STX12: variants seen among roughly 807,000 people sequenced by gnomAD.
The protein encoded by STX12 is syntaxin 12, also known as syntaxin-12.
A neutral mutation model predicts 42.2 loss-of-function variants in STX12; 17 were observed. That is an observed-to-expected ratio of 0.40 (90% CI 0.28 to 0.60). The LOEUF is 0.60. STX12 is among the 20% of genes least tolerant of loss of function. The pLI is 0.39. For synonymous variants in STX12, 108 were observed against 116.7 expected, an observed-to-expected ratio of 0.93 and a Z score of 0.48; for missense variants, 297 against 330.9, an observed-to-expected ratio of 0.90 and a Z score of 0.79.
chr1:27,779,751 CTCTA>C (rs1337020871), intron 1 of STX12, among the ~76,000 whole-genome samples: 2 of 152,054 alleles, frequency 1.3e-5, no homozygotes, highest in African/African-American at 2.4e-5. Context: ...TGTTTCTCAA[CTCTA>C]TCTTTCAGTT....
At chr1:27,811,175 T>C (rs931250392) in intron 5 of STX12, among the ~76,000 whole-genome samples, 1 of 150,638 alleles carries the variant, frequency 6.6e-6, no homozygotes, top group African/African-American at 2.4e-5. Context: ...AAAAATGAGC[T>C]GAGTGTAGAG....
chr1:27,803,586 A>G (rs974037280), intron 4 of STX12, among the ~76,000 whole-genome samples: 1 of 152,246 alleles, frequency 6.6e-6, no homozygotes, highest in African/African-American at 2.4e-5. Flanking sequence ...GTGATCTCAG[A>G]TGGAAAGTCT....
At chr1:27,817,821 TGTTA>T (rs764314540) in intron 6 of STX12, 26 bp from the exon 7 acceptor site, 1 of 1,599,182 alleles carries the variant, frequency 6.3e-7, no homozygotes, top group Non-Finnish European at 8.6e-7. Flanking sequence ...TGTTGCTTAA[TGTTA>T]GTTAATTGTT....
rs757584807 is a variant in STX12 at position 27,793,601 on chromosome 1, C to T, written c.257C>T (p.Ser86Phe). 2 of 1,613,932 alleles carry T rather than the reference C, an allele frequency of 1.2e-6. No homozygotes were observed. Among genetic ancestry groups the T allele is most frequent in the African/African-American group, 2.7e-5 (2 of 74,898 alleles). ...AATGAATTGCTGAAAGAATTAGGGT[C>T]CTTGCCCCTTCCCTTATCTACTTCA... is the stretch of plus-strand genomic sequence containing the variant. ...ETNELLKELG[S>F]LPLPLSTSEQ... is the part of the protein sequence containing the mutation. The change falls in exon 3 of 9, where the codon TCC becomes TTC. Residue 86 changes from serine to phenylalanine, a missense_variant. Physicochemically the swap from Ser to Phe is radical, Grantham distance 155. Coordinates refer to ENST00000373943, the MANE Select transcript of STX12 (RefSeq NM_177424.3).
At chr1:27,803,490 A>T (rs2148604001) in intron 4 of STX12, among the ~76,000 whole-genome samples, 1 of 152,322 alleles carries the variant, frequency 6.6e-6, no homozygotes, top group East Asian at 1.9e-4. Context: ...AGGGCTAATT[A>T]AAGACATTTT....
At chr1:27,820,211 C>CA (rs1491466462) in intron 8 of STX12, 1 of 152,376 alleles carries the variant, frequency 6.6e-6, no homozygotes, top group Non-Finnish European at 1.5e-5. Flanking sequence ...TTAGTTGAAA[C>CA]TCTGGTTTTT....
rs199499561 is a variant in STX12, at chr1:27,780,209, GTT to G, written c.118+6801_118+6802del. Reference sequence around the variant, plus strand: ...ATAGCAATTAAGTTTTTCTTTGCTTGTTTTTTTTTTTTTTTTTTGAGACGGAG... The same window carrying G: ...ATAGCAATTAAGTTTTTCTTTGCTTGTTTTTTTTTTTTTTTTGAGACGGAG... On this transcript the variant is annotated intron_variant, in intron 1 of 8. Coordinates refer to ENST00000373943, the MANE Select transcript of STX12 (RefSeq NM_177424.3). Among the ~76,000 whole-genome samples the G allele has an allele frequency of 2.9e-4, 37 of 125,918 alleles. No homozygotes were observed. The South Asian group carries it at 5.5e-3, about 19-fold the overall frequency. 82.6% of individuals were successfully genotyped at this position (125,918 alleles called of 152,430 possible).
intron 6 of STX12, among the ~76,000 whole-genome samples, chr1:27,814,948 C>A: frequency 6.7e-6 from 1 of 149,996 alleles, no homozygotes; most frequent in African/African-American, 2.5e-5. Context: ...AATAATACAA[C>A]AATAAAAAAT....
intron 7 of STX12, 53 bp downstream of exon 7, chr1:27,817,976 G>A: frequency 6.7e-7 from 1 of 1,501,724 alleles, no homozygotes; most frequent in African/African-American, 1.4e-5. Context: ...TATTTGGCAT[G>A]CATCTGTAAT....
chr1:27,808,311 T>C (rs187362736), intron 4 of STX12, among the ~76,000 whole-genome samples: 2 of 144,158 alleles, frequency 1.4e-5, no homozygotes, highest in Non-Finnish European at 3.0e-5. Flanking sequence ...TTGCTTTGTT[T>C]TTTATTTATT....
intron 2 of STX12, 145 bp downstream of exon 2, chr1:27,789,776 G>A: frequency 1.6e-6 from 1 of 610,140 alleles, no homozygotes; most frequent in Non-Finnish European, 2.9e-6. Flanking sequence ...CTAAAAGAGG[G>A]GCGGGGCAAC....
intron 4 of STX12, 31 bp from the exon 5 acceptor site, chr1:27,810,215 G>A: frequency 6.2e-7 from 1 of 1,611,546 alleles, no homozygotes; most frequent in Non-Finnish European, 8.5e-7. Context: ...GTTTCTGGAT[G>A]ACAGCAGCAA....
intron 4 of STX12, among the ~76,000 whole-genome samples, chr1:27,804,527 C>G (rs1436738674): frequency 6.9e-6 from 1 of 145,124 alleles, no homozygotes; most frequent in Non-Finnish European, 1.5e-5. Context: ...AAGAACTGCC[C>G]GAAGCTGGGC....
At chr1:27,808,530 G>A (rs1279848740) in intron 4 of STX12, among the ~76,000 whole-genome samples, 2 of 151,720 alleles carry the variant, frequency 1.3e-5, no homozygotes, top group Non-Finnish European at 2.9e-5. Flanking sequence ...TAGTAGAGAC[G>A]GGGTTTCACC....
chr1:27,810,260 AAG>A lies in STX12; in HGVS notation c.446_447del (p.Glu149GlyfsTer7). 1 of 1,613,722 alleles carries A rather than the reference AAG, an allele frequency of 6.2e-7. No individual in the cohort carries two copies. Among genetic ancestry groups the A allele is most frequent in the East Asian group, 2.2e-5 (1 of 44,842 alleles). ...CTACTTTCTAGGCAGAAGAGAGGCAAAGAGAGGAGCAGCTGGTCTCATTTGAC... is the reference window on the plus strand; with the variant it reads ...CTACTTTCTAGGCAGAAGAGAGGCAAAGAGGAGCAGCTGGTCTCATTTGAC... The part of the protein sequence containing the change: ...GSRLSAEERQ[R>X]EEQLVSFDSH... On this transcript the variant is annotated frameshift_variant, in exon 5 of 9. Transcript: ENST00000373943. LOFTEE classifies it high-confidence loss of function.
intron 3 of STX12, among the ~76,000 whole-genome samples, chr1:27,801,394 A>G (rs1432090391): frequency 6.6e-6 from 1 of 151,090 alleles, no homozygotes; most frequent in Non-Finnish European, 1.5e-5. Flanking sequence ...ACAGAGCAAG[A>G]CTCCGTCTCA....
intron 3 of STX12, among the ~76,000 whole-genome samples, chr1:27,793,860 G>A (rs112725074): frequency 0.026 from 3,886 of 152,150 alleles, 72 homozygotes; most frequent in Middle Eastern, 0.058. Context: ...TAATCAATAT[G>A]TGGTGGCTGC....
At chr1:27,807,759 A>G (rs2088873313) in intron 4 of STX12, among the ~76,000 whole-genome samples, 1 of 152,244 alleles carries the variant, frequency 6.6e-6, no homozygotes, top group African/African-American at 2.4e-5. Context: ...CATTGTTTGT[A>G]GTAGTCAAAA....
intron 1 of STX12, among the ~76,000 whole-genome samples, chr1:27,779,620 C>T (rs2088653236): frequency 6.6e-6 from 1 of 152,060 alleles, no homozygotes; most frequent in Non-Finnish European, 1.5e-5. Context: ...GCATGAGCCA[C>T]CGTGCCTGGC....
Sources: gnomAD v4.1 joint callset for allele counts (sites outside exome capture counted in the v4.1 genomes callset) on GRCh38, gnomAD v4.1.1 for gene constraint, MANE v1.5 for transcripts, NCBI Gene and HGNC (gene_info 2026-07-23, HGNC 2026-07-21) for gene names.